Variants in IGSF11 observed in about 807,000 individuals in gnomAD.
IGSF11 encodes immunoglobulin superfamily member 11, also known as CXADR like 1.
In IGSF11, 22 loss-of-function variants were observed where a neutral mutation model predicts 41.0. That is an observed-to-expected ratio of 0.54 (90% CI 0.38 to 0.77). The LOEUF (loss-of-function observed/expected upper bound fraction) is 0.77. Among genes scored for constraint, IGSF11 ranks in the 30% least tolerant of loss-of-function variants. The probability of loss-of-function intolerance (pLI) is 0.00; values close to 1 mark genes in which losing one functional copy is unlikely to be tolerated. For missense variants in IGSF11, 444 were observed against 530.8 expected (o/e 0.84, Z 1.61); for synonymous variants, 219 against 201.3 (o/e 1.09, Z -0.74).
chr3:119,067,140 T>C (rs1277847674), intron 1 of IGSF11, among the ~76,000 whole-genome samples: 1 of 152,204 alleles, frequency 6.6e-6, no homozygotes, highest in South Asian at 2.1e-4. Flanking sequence ...ATTTAAAAAA[T>C]GATACAAAGC....
intron 1 of IGSF11, among the ~76,000 whole-genome samples, chr3:118,962,264 CTTTT>C (rs1417401615): frequency 6.6e-6 from 1 of 152,124 alleles, no homozygotes; most frequent in African/African-American, 2.4e-5. Flanking sequence ...TCTCCCCTTT[CTTTT>C]GTCAATTATT....
intron 1 of IGSF11, among the ~76,000 whole-genome samples, chr3:118,944,093 A>T (rs1386742238): frequency 6.6e-6 from 1 of 152,254 alleles, no homozygotes; most frequent in East Asian, 1.9e-4. Context: ...TATTTTTAAA[A>T]TTTTTCTTGA....
intron 4 of IGSF11, among the ~76,000 whole-genome samples, chr3:118,911,140 T>C (rs906070466): frequency 3.3e-5 from 5 of 152,026 alleles, no homozygotes; most frequent in Non-Finnish European, 5.9e-5. Flanking sequence ...CACACATATA[T>C]GTAAAAATGA....
intron 1 of IGSF11, among the ~76,000 whole-genome samples, chr3:118,951,623 A>C (rs572826230): frequency 6.6e-6 from 1 of 152,242 alleles, no homozygotes; most frequent in African/African-American, 2.4e-5. Flanking sequence ...GAACCATTCT[A>C]AGTTCTTCAC....
intron 1 of IGSF11, among the ~76,000 whole-genome samples, chr3:119,040,888 A>G (rs1334342399): frequency 1.3e-5 from 2 of 152,258 alleles, no homozygotes; most frequent in Admixed American, 6.5e-5. Context: ...TTTAGATATT[A>G]CAAAAAGCAA....
chr3:119,057,484 A>G (rs919768678), intron 1 of IGSF11, among the ~76,000 whole-genome samples: 2 of 152,240 alleles, frequency 1.3e-5, no homozygotes, highest in African/African-American at 4.8e-5. Flanking sequence ...GATACAAACA[A>G]ATGGAAGAAC....
chr3:119,097,957 A>ATTTTT lies in IGSF11; in HGVS notation c.49+7182_49+7186dup, dbSNP rs377746200. ...AGGCACATGCCACCACATTCAGCTAATTTTTTTTTTTTTTTTTTTTTTTTT... is the reference window on the plus strand; with the variant it reads ...AGGCACATGCCACCACATTCAGCTAATTTTTTTTTTTTTTTTTTTTTTTTTTTTTT... On this transcript the variant is annotated intron_variant, in intron 1 of 6. Coordinates refer to the IGSF11 transcript ENST00000354673. Among the ~76,000 whole-genome samples, 77 of 58,356 alleles carry ATTTTT rather than the reference A, an allele frequency of 1.3e-3. 12 individuals carry two copies. The highest frequency in any genetic ancestry group is 2.4e-3 in the African/African-American group (42 of 17,534). The allele number at this position is 58,356 out of a possible 152,430, so 38.3% of individuals were successfully genotyped here. A position where few individuals can be genotyped will look rare whatever the true frequency, so the allele number is the denominator to read the frequency against.
chr3:119,069,774 C>T (rs751386011), intron 1 of IGSF11, among the ~76,000 whole-genome samples: 84 of 151,968 alleles, frequency 5.5e-4, no homozygotes, highest in East Asian at 2.7e-3. Flanking sequence ...TTAACAGTTG[C>T]TCACTGTTTC....
intron 1 of IGSF11, among the ~76,000 whole-genome samples, chr3:119,027,089 T>C (rs2160050): frequency 0.13 from 19,477 of 152,182 alleles, 1,373 homozygotes; most frequent in Non-Finnish European, 0.15. Flanking sequence ...TATAATGTAA[T>C]ACAGTAACAT....
chr3:119,107,091 G>C (rs1270629927), upstream of IGSF11, among the ~76,000 whole-genome samples: 4 of 152,218 alleles, frequency 2.6e-5, no homozygotes, highest in Non-Finnish European at 2.9e-5. Flanking sequence ...ATAGTCCTTT[G>C]GGTATATACT....
At chr3:119,094,064 T>C (rs1003166160) in intron 1 of IGSF11, among the ~76,000 whole-genome samples, 6 of 151,582 alleles carry the variant, frequency 4.0e-5, no homozygotes, top group African/African-American at 1.5e-4. Flanking sequence ...TCATGAGGTA[T>C]AACATGTAGC....
At chr3:119,138,591 C>T (rs1367338937) in intron 1 of IGSF11, among the ~76,000 whole-genome samples, 2 of 152,000 alleles carry the variant, frequency 1.3e-5, no homozygotes, top group African/African-American at 2.4e-5. Flanking sequence ...AGGCTGAGGC[C>T]TGAGAATCGC....
At chr3:119,093,574 C>T (rs2076800258) in intron 1 of IGSF11, among the ~76,000 whole-genome samples, 1 of 152,194 alleles carries the variant, frequency 6.6e-6, no homozygotes, top group Non-Finnish European at 1.5e-5. Context: ...TTGTCCTCCA[C>T]ATTAATTTGG....
Position 119,034,744 on chromosome 3 carries a change from G to A in IGSF11, c.-162C>T, listed in dbSNP as rs1426198273. On this transcript the variant is annotated 5_prime_UTR_variant, in exon 1 of 7. Coordinates refer to ENST00000393775, the MANE Select transcript of IGSF11 (RefSeq NM_001015887.3). The stretch of plus-strand genomic sequence containing the variant: ...AGCTGGGACTGTCAGACCCACAGAC[G>A]AGCCAAGTGCAGCTGCAGCGCCGCC... 9 of 1,334,124 alleles carry A rather than the reference G, an allele frequency of 6.7e-6. No individual in the cohort carries two copies. Among genetic ancestry groups the A allele is most frequent in the East Asian group, 3.0e-5 (1 of 32,882 alleles). The allele number at this position is 1,334,124 out of a possible 1,614,324, so 82.6% of individuals were successfully genotyped here.
At chr3:119,121,546 G>A (rs1432093335) in intron 1 of IGSF11, among the ~76,000 whole-genome samples, 1 of 152,140 alleles carries the variant, frequency 6.6e-6, no homozygotes, top group Admixed American at 6.5e-5. Flanking sequence ...AGAATGAAAA[G>A]AAGGGGAGCA....
At chr3:119,006,946 A>G (rs1235046092) in intron 1 of IGSF11, among the ~76,000 whole-genome samples, 2 of 135,872 alleles carry the variant, frequency 1.5e-5, no homozygotes, top group African/African-American at 5.9e-5. Context: ...CCAGAGGTGG[A>G]GCCTACAGAG....
At chr3:119,040,175 AGGAT>A (rs761257196) in intron 1 of IGSF11, among the ~76,000 whole-genome samples, 1 of 152,196 alleles carries the variant, frequency 6.6e-6, no homozygotes, top group Non-Finnish European at 1.5e-5. Flanking sequence ...GACCCTGCAC[AGGAT>A]GGATGGATCA....
chr3:119,135,466 T>C (rs1294238790), intron 1 of IGSF11, among the ~76,000 whole-genome samples: 2 of 152,176 alleles, frequency 1.3e-5, no homozygotes, highest in African/African-American at 2.4e-5. Flanking sequence ...GAAAAAATGC[T>C]CATCATCACT....
chr3:119,016,864 G>C lies in IGSF11; in HGVS notation c.52+17667C>G, dbSNP rs144450624. 9.2e-5 allele frequency among the ~76,000 whole-genome samples: 14 copies of C among 152,210 alleles called. No homozygotes were observed. The East Asian group carries it at 2.5e-3, about 27-fold the overall frequency. ...ATAGTTCCTACCTGTTCCATAAAGT[G>C]TCTGACTCTGGTTGTACTTCTAACC... On this transcript the variant is annotated intron_variant, in intron 1 of 6. Coordinates refer to ENST00000393775, the MANE Select transcript of IGSF11 (RefSeq NM_001015887.3).
Sources: allele counts gnomAD v4.1 joint callset (sites outside exome capture counted in the v4.1 genomes callset), GRCh38; gene constraint gnomAD v4.1.1; transcripts MANE v1.5; gene names NCBI Gene and HGNC (gene_info 2026-07-23, HGNC 2026-07-21).